MARCHF8: variants seen among roughly 807,000 people sequenced by gnomAD.
The protein encoded by MARCHF8 is E3 ubiquitin-protein ligase MARCHF8.
Under a neutral mutation model 51.6 loss-of-function variants are expected in MARCHF8, and 40 were observed. That is an observed-to-expected ratio of 0.77 (90% CI 0.60 to 1.01). MARCHF8 has a LOEUF of 1.01. Ranked by LOEUF, MARCHF8 falls within the 50% of genes least tolerant of loss-of-function variation. MARCHF8 has a pLI of 0.00. For synonymous variants in MARCHF8, 263 were observed against 280.3 expected, an observed-to-expected ratio of 0.94 and a Z score of 0.62; for missense variants, 685 against 708.6, an observed-to-expected ratio of 0.97 and a Z score of 0.38.
chr10:45,569,684 C>T (rs1033094362), intron 1 of MARCHF8, among the ~76,000 whole-genome samples: 23 of 152,162 alleles, frequency 1.5e-4, no homozygotes, highest in South Asian at 1.4e-3. Context: ...TCAAATTTTT[C>T]GCTACTCTGT....
At chr10:45,463,069 C>A (rs1213763698) in intron 5 of MARCHF8, 82 bp downstream of exon 5, 2 of 1,451,908 alleles carry the variant, frequency 1.4e-6, no homozygotes, top group East Asian at 5.0e-5. Flanking sequence ...ACTTCATTTT[C>A]CTGAAACTTC....
At chr10:45,515,299 T>C (rs778709438) in intron 2 of MARCHF8, among the ~76,000 whole-genome samples, 18 of 152,208 alleles carry the variant, frequency 1.2e-4, no homozygotes, top group Non-Finnish European at 2.5e-4. Flanking sequence ...TCTCCACCTG[T>C]TTCCCATAGC....
chr10:45,458,057 A>ATGCCTGGGTCCTGCCTC lies in MARCHF8; in HGVS notation c.*181_*182insGAGGCAGGACCCAGGCA. 2 of 630,176 alleles carry ATGCCTGGGTCCTGCCTC rather than the reference A, an allele frequency of 3.2e-6. No homozygotes were observed. The highest frequency in any genetic ancestry group is 5.3e-6 in the Non-Finnish European group (2 of 380,238). The allele number at this position is 630,176 out of a possible 1,614,324, so 39.0% of individuals were successfully genotyped here. A position where few individuals can be genotyped will look rare whatever the true frequency, so the allele number is the denominator to read the frequency against. ...TGCCAGGCAGAGGCAGGACCCAGGC[A>ATGCCTGGGTCCTGCCTC]TGCCTGGCCCACAGGAAGGTTTTCT... On this transcript the variant is annotated 3_prime_UTR_variant, in exon 8 of 8. Coordinates refer to ENST00000453424, the MANE Select transcript of MARCHF8 (RefSeq NM_001282866.2).
intron 1 of MARCHF8, among the ~76,000 whole-genome samples, chr10:45,593,052 C>T (rs2133452901): frequency 6.6e-6 from 1 of 151,464 alleles, no homozygotes; most frequent in Admixed American, 6.6e-5. Context: ...AAACTGAGAA[C>T]CAAAGAAAGG....
At position 45,458,465 on chromosome 10, in the gene MARCHF8, A is replaced by G. The variant is rs1402627153; in HGVS notation, c.1496T>C (p.Val499Ala). The G allele has an allele frequency of 6.2e-7, 1 of 1,613,758 alleles. No individual in the cohort carries two copies. The highest frequency in any genetic ancestry group is 1.1e-5 in the South Asian group (1 of 90,878). The change falls in exon 8 of 8, where the codon GTT becomes GCT. Residue 499 changes from valine (V) to alanine (A), a missense_variant. Transcript: ENST00000453424. ...CAATTGCACATACACTTTACACTGA[A>G]CATACATAAAAAGAAGTCCTCCGGT... Reference protein sequence around the residue: ...GFTGGLLFMYVQCKVYVQLWK... With the variant: ...GFTGGLLFMYAQCKVYVQLWK...
intron 5 of MARCHF8, among the ~76,000 whole-genome samples, chr10:45,462,529 T>C (rs1842821691): frequency 6.6e-6 from 1 of 152,214 alleles, no homozygotes. Flanking sequence ...ACTAGTTTCT[T>C]TCTTCCAGTT....
chr10:45,464,399 T>G, intron 3 of MARCHF8, 72 bp from the exon 4 acceptor site: 1 of 1,261,704 alleles, frequency 7.9e-7, no homozygotes, highest in Non-Finnish European at 1.2e-6. Flanking sequence ...TCCTGAATGG[T>G]GACAGGGAGA....
intron 3 of MARCHF8, among the ~76,000 whole-genome samples, chr10:45,484,863 G>A (rs146685380): frequency 6.6e-6 from 1 of 152,166 alleles, no homozygotes; most frequent in South Asian, 2.1e-4. Context: ...ATATTGCACA[G>A]GATCAGGTTC....
intron 3 of MARCHF8, among the ~76,000 whole-genome samples, chr10:45,488,477 G>A (rs1017516202): frequency 2.0e-5 from 3 of 151,460 alleles, no homozygotes; most frequent in Non-Finnish European, 4.4e-5. Flanking sequence ...ATCTGTTACA[G>A]GGAGCCGAAG....
chr10:45,549,551 A>G (rs1168116659), intron 1 of MARCHF8, among the ~76,000 whole-genome samples: 4 of 152,160 alleles, frequency 2.6e-5, no homozygotes, highest in African/African-American at 9.7e-5. Flanking sequence ...ATTGAGACCA[A>G]AGTCAAGAAG....
Position 45,478,632 on chromosome 10 carries a change from G to C in MARCHF8, c.153+10735C>G, listed in dbSNP as rs1004011835. On this transcript the variant is annotated intron_variant, in intron 3 of 7. Transcript: ENST00000453424. ...TTGAAAAACTAAAATTGATAGACTAGCTAGACTAACCAAGAAAAAAAGATA... is the reference window on the plus strand; with the variant it reads ...TTGAAAAACTAAAATTGATAGACTACCTAGACTAACCAAGAAAAAAAGATA... 2.0e-5 allele frequency among the ~76,000 whole-genome samples: 3 copies of C among 148,970 alleles called. 1 individual carries two copies. The highest frequency in any genetic ancestry group is 4.5e-5 in the Non-Finnish European group (3 of 67,276).
chr10:45,592,648 C>G (rs2044694083), intron 1 of MARCHF8, among the ~76,000 whole-genome samples: 1 of 152,186 alleles, frequency 6.6e-6, no homozygotes, highest in South Asian at 2.1e-4. Context: ...AAACAAACCA[C>G]AAGTGAATCA....
In MARCHF8 at chr10:45,455,926, C is replaced by T. The variant is rs544464497; in HGVS notation, c.*2313G>A. 1.3e-5 allele frequency: 2 copies of T among 152,390 alleles called. No individual in the cohort carries two copies. The highest frequency in any genetic ancestry group is 4.1e-4 in the South Asian group (2 of 4,830). 9.4% of individuals were successfully genotyped at this position (152,390 alleles called of 1,614,324 possible). A position where few individuals can be genotyped will look rare whatever the true frequency, so the allele number is the denominator to read the frequency against. On this transcript the variant is annotated 3_prime_UTR_variant, in exon 8 of 8. Coordinates refer to ENST00000453424, the MANE Select transcript of MARCHF8 (RefSeq NM_001282866.2). Reference sequence around the variant, plus strand: ...ATACAGGGCTCAGTTATCAAGGCACCTTTGCCATAGTGGGGTGCCAGCTAC... The same window carrying T: ...ATACAGGGCTCAGTTATCAAGGCACTTTTGCCATAGTGGGGTGCCAGCTAC...
intron 1 of MARCHF8, among the ~76,000 whole-genome samples, chr10:45,555,924 C>T (rs1019934854): frequency 2.0e-5 from 3 of 152,018 alleles, no homozygotes; most frequent in African/African-American, 7.2e-5. Flanking sequence ...CTCTGGGTAA[C>T]TGAACAGTCT....
At chr10:45,461,011 G>C (rs752289553) in intron 6 of MARCHF8, 14 of 400,166 alleles carry the variant, frequency 3.5e-5, no homozygotes, top group Non-Finnish European at 5.3e-5. Flanking sequence ...ACTTTGAAGG[G>C]AAAAGAAGGA....
At chr10:45,477,305 A>G (rs1418074447) in intron 3 of MARCHF8, among the ~76,000 whole-genome samples, 1 of 152,234 alleles carries the variant, frequency 6.6e-6, no homozygotes, top group African/African-American at 2.4e-5. Flanking sequence ...GAGGGAATTC[A>G]CCACCAGATT....
chr10:45,591,393 A>C (rs951148569), intron 1 of MARCHF8, among the ~76,000 whole-genome samples: 1 of 152,066 alleles, frequency 6.6e-6, no homozygotes, highest in African/African-American at 2.4e-5. Context: ...TCAACCCAGG[A>C]GGCAGAGTTG....
intron 3 of MARCHF8, among the ~76,000 whole-genome samples, chr10:45,486,354 A>G (rs1185591776): frequency 1.3e-5 from 2 of 152,186 alleles, no homozygotes; most frequent in African/African-American, 4.8e-5. Context: ...TCAGGAGGTC[A>G]GGAGTTTGAG....
At chr10:45,524,832 G>A (rs1245031896) in intron 2 of MARCHF8, among the ~76,000 whole-genome samples, 3 of 151,804 alleles carry the variant, frequency 2.0e-5, no homozygotes, top group Non-Finnish European at 2.9e-5. Flanking sequence ...CAAAACAACC[G>A]CCTTTCGAAG....
Sources: gnomAD v4.1 joint callset for allele counts (sites outside exome capture counted in the v4.1 genomes callset) on GRCh38, gnomAD v4.1.1 for gene constraint, MANE v1.5 for transcripts, NCBI Gene and HGNC (gene_info 2026-07-23, HGNC 2026-07-21) for gene names.